FGF12: variants seen among roughly 807,000 people sequenced by gnomAD.
The protein encoded by FGF12 is fibroblast growth factor 12B.
In FGF12, 14 loss-of-function variants were observed where a neutral mutation model predicts 23.6. The observed-to-expected ratio is 0.59, with a 90% CI of 0.39 to 0.93. The LOEUF (loss-of-function observed/expected upper bound fraction) is 0.93. Among genes scored for constraint, FGF12 ranks in the 40% least tolerant of loss-of-function variants. The pLI is 0.00. For synonymous variants in FGF12, 62 were observed against 77.3 expected (o/e 0.80, Z 1.04); for missense variants, 175 against 217.8 (o/e 0.80, Z 1.24).
At chr3:192,220,944 A>C (rs1425883617) in intron 4 of FGF12, among the ~76,000 whole-genome samples, 3 of 152,208 alleles carry the variant, frequency 2.0e-5, no homozygotes, top group Non-Finnish European at 4.4e-5. Flanking sequence ...ATGAGACACA[A>C]ATAAATCCTC....
chr3:192,177,310 A>G (rs1715915807), intron 4 of FGF12, among the ~76,000 whole-genome samples: 1 of 152,244 alleles, frequency 6.6e-6, no homozygotes, highest in East Asian at 1.9e-4. Flanking sequence ...ACAAAGGCCT[A>G]TAAAATTATT....
At chr3:192,396,148 T>C (rs1441863492) in intron 2 of FGF12, among the ~76,000 whole-genome samples, 1 of 152,216 alleles carries the variant, frequency 6.6e-6, no homozygotes. Context: ...ACTGTTTTTC[T>C]TGAAATATAG....
chr3:192,273,993 T>G (rs975327358), intron 4 of FGF12, among the ~76,000 whole-genome samples: 1 of 151,988 alleles, frequency 6.6e-6, no homozygotes, highest in East Asian at 1.9e-4. Context: ...CAGATAATTA[T>G]ACAGGCTGAA....
chr3:192,546,746 T>A (rs1311578657), intron 2 of FGF12, among the ~76,000 whole-genome samples: 1 of 145,168 alleles, frequency 6.9e-6, no homozygotes, highest in East Asian at 2.1e-4. Flanking sequence ...AACCAATGAC[T>A]ATTTACAAAA....
intron 2 of FGF12, among the ~76,000 whole-genome samples, chr3:192,663,630 T>C (rs1217477754): frequency 6.6e-6 from 1 of 152,190 alleles, no homozygotes; most frequent in Non-Finnish European, 1.5e-5. Flanking sequence ...GAGAAGTCAC[T>C]TAAAAGTCAA....
intron 2 of FGF12, among the ~76,000 whole-genome samples, chr3:192,621,518 T>C (rs907986401): frequency 2.6e-5 from 4 of 152,036 alleles, no homozygotes; most frequent in Non-Finnish European, 5.9e-5. Flanking sequence ...TTGGGAATAA[T>C]AGCACCCACT....
intron 4 of FGF12, among the ~76,000 whole-genome samples, chr3:192,249,631 A>G (rs555152324): frequency 9.2e-5 from 14 of 152,168 alleles, no homozygotes; most frequent in African/African-American, 3.4e-4. Context: ...ATTGTTTTCC[A>G]TGGTGCTTGT....
intron 2 of FGF12, among the ~76,000 whole-genome samples, chr3:192,534,277 T>C (rs889567164): frequency 2.6e-5 from 4 of 152,248 alleles, no homozygotes; most frequent in African/African-American, 9.6e-5. Context: ...TAGGTTACTG[T>C]AGTGCTCAGG....
intron 2 of FGF12, among the ~76,000 whole-genome samples, chr3:192,615,583 T>C (rs1477715694): frequency 6.6e-6 from 1 of 152,066 alleles, no homozygotes; most frequent in Non-Finnish European, 1.5e-5. Context: ...ATGTATGACA[T>C]GTCCATAATT....
intron 5 of FGF12, among the ~76,000 whole-genome samples, chr3:192,147,807 T>C (rs1260116136): frequency 2.7e-5 from 4 of 148,424 alleles, no homozygotes; most frequent in Non-Finnish European, 6.0e-5. Context: ...ACAAACAATG[T>C]AAAATGACTG....
chr3:192,600,471 C>T (rs1001096298), intron 2 of FGF12, among the ~76,000 whole-genome samples: 9 of 151,904 alleles, frequency 5.9e-5, no homozygotes, highest in Admixed American at 5.3e-4. Context: ...CTGTAGATTG[C>T]TTTGGGTAGT....
At chr3:192,207,371 C>T (rs1432951960) in intron 4 of FGF12, among the ~76,000 whole-genome samples, 1 of 152,138 alleles carries the variant, frequency 6.6e-6, no homozygotes, top group African/African-American at 2.4e-5. Flanking sequence ...GAGCAGATTG[C>T]TATGACAATA....
intron 2 of FGF12, among the ~76,000 whole-genome samples, chr3:192,677,040 C>A (rs760092266): frequency 1.6e-4 from 25 of 152,204 alleles, no homozygotes; most frequent in Non-Finnish European, 3.1e-4. Context: ...GTAAGTCACT[C>A]ATCTGCCATA....
intron 4 of FGF12, among the ~76,000 whole-genome samples, chr3:192,282,320 A>ATG (rs1714192667): frequency 6.6e-6 from 1 of 152,092 alleles, no homozygotes; most frequent in African/African-American, 2.4e-5. Flanking sequence ...GAATGAATGA[A>ATG]ACTGGATGAC....
intron 4 of FGF12, among the ~76,000 whole-genome samples, chr3:192,181,295 C>T (rs1716156245): frequency 6.6e-6 from 1 of 151,866 alleles, no homozygotes; most frequent in Non-Finnish European, 1.5e-5. Context: ...CCTAAGTGAG[C>T]ACGTCCTCAT....
At chr3:192,502,085 G>A (rs757166906) in intron 2 of FGF12, among the ~76,000 whole-genome samples, 3 of 152,136 alleles carry the variant, frequency 2.0e-5, no homozygotes, top group Non-Finnish European at 4.4e-5. Flanking sequence ...GCTCCCTAGG[G>A]TAGAGATGAG....
chr3:192,211,764 G>A (rs1717943400), intron 4 of FGF12, among the ~76,000 whole-genome samples: 1 of 151,832 alleles, frequency 6.6e-6, no homozygotes, highest in Admixed American at 6.6e-5. Flanking sequence ...GTAAAATATT[G>A]TTATTTTAAC....
chr3:192,685,858 C>G (rs1436727931), intron 2 of FGF12, among the ~76,000 whole-genome samples: 1 of 152,152 alleles, frequency 6.6e-6, no homozygotes, highest in Non-Finnish European at 1.5e-5. Context: ...TCACTGTTAT[C>G]ATTTTTTAAA....
intron 2 of FGF12, among the ~76,000 whole-genome samples, chr3:192,570,062 G>T (rs569430493): frequency 6.6e-5 from 10 of 152,258 alleles, no homozygotes; most frequent in Admixed American, 4.6e-4. Flanking sequence ...GAATCTATAG[G>T]TTTTAATAAA....
Sources: gnomAD v4.1 joint callset for allele counts (sites outside exome capture counted in the v4.1 genomes callset) on GRCh38, gnomAD v4.1.1 for gene constraint, MANE v1.5 for transcripts, NCBI Gene and HGNC (gene_info 2026-07-23, HGNC 2026-07-21) for gene names.